TLK1: variants seen among roughly 807,000 people sequenced by gnomAD.
The protein encoded by TLK1 is serine/threonine-protein kinase tousled-like 1.
TLK1 carries 24 observed loss-of-function variants against 105.3 expected under a neutral mutation model. The observed-to-expected ratio is 0.23, with a 90% CI of 0.17 to 0.32. The LOEUF (loss-of-function observed/expected upper bound fraction) is 0.32. TLK1 is among the 10% of genes least tolerant of loss of function. The pLI, the probability that TLK1 is intolerant of heterozygous loss-of-function variation, is 1.00. For synonymous variants in TLK1, 321 were observed against 310.4 expected (o/e 1.03, Z -0.36); for missense variants, 558 against 910.5 (o/e 0.61, Z 4.98).
intron 6 of TLK1, among the ~76,000 whole-genome samples, chr2:171,056,004 A>G (rs1449133986): frequency 1.3e-5 from 2 of 152,182 alleles, no homozygotes; most frequent in Middle Eastern, 3.4e-3. Flanking sequence ...TGAAAAAACC[A>G]AAAAGTTTAA....
intron 4 of TLK1, chr2:171,059,966 A>C (rs1687673189): frequency 6.2e-7 from 1 of 1,609,804 alleles, no homozygotes; most frequent in Non-Finnish European, 8.5e-7. Context: ...AAGGACTGGA[A>C]GACCGGGAGG....
chr2:171,180,153 C>G (rs1368882608), intron 1 of TLK1, among the ~76,000 whole-genome samples: 4 of 150,600 alleles, frequency 2.7e-5, no homozygotes, highest in Non-Finnish European at 5.9e-5. Flanking sequence ...ATAATCCCAG[C>G]TACTCGGGGC....
At chr2:171,113,513 T>C (rs1437621993) in intron 2 of TLK1, among the ~76,000 whole-genome samples, 1 of 152,152 alleles carries the variant, frequency 6.6e-6, no homozygotes, top group Admixed American at 6.6e-5. Context: ...TCTCAAGTGA[T>C]CCACCAGCCT....
intron 1 of TLK1, among the ~76,000 whole-genome samples, chr2:171,191,123 G>T (rs2105313735): frequency 6.6e-6 from 1 of 151,770 alleles, no homozygotes; most frequent in South Asian, 2.1e-4. Flanking sequence ...TCACGCCACT[G>T]CACTCTAGCC....
intron 2 of TLK1, among the ~76,000 whole-genome samples, chr2:171,088,120 C>T (rs1332156173): frequency 6.6e-6 from 1 of 152,026 alleles, no homozygotes; most frequent in African/African-American, 2.4e-5. Context: ...GGCTTGAGCC[C>T]AGGAGTTTGA....
intron 12 of TLK1, among the ~76,000 whole-genome samples, chr2:171,016,291 G>A (rs532321256): frequency 4.6e-5 from 7 of 151,502 alleles, no homozygotes; most frequent in African/African-American, 1.2e-4. Context: ...ACAGGCATGC[G>A]CCACCACACC....
chr2:171,044,619 G>A (rs1045021879), intron 11 of TLK1, among the ~76,000 whole-genome samples: 4 of 151,988 alleles, frequency 2.6e-5, no homozygotes, highest in Non-Finnish European at 4.4e-5. Context: ...TACGGTAACC[G>A]AAACCCTAAG....
chr2:170,997,733 AAAG>A lies in TLK1; in HGVS notation c.1992_1994del (p.Phe665del). ...TTACCTTTCTACCATAAAGACACTG[AAAG>A]AAGATGACTCCAACCGACCATACAT... On this transcript the variant is annotated inframe_deletion, in exon 19 of 21. Transcript: ENST00000431350. 1 of 1,608,002 alleles carries A rather than the reference AAAG, an allele frequency of 6.2e-7. No homozygotes were observed. Among genetic ancestry groups the A allele is most frequent in the Non-Finnish European group, 8.5e-7 (1 of 1,176,276 alleles).
At chr2:171,086,625 C>T (rs1309377375) in intron 2 of TLK1, among the ~76,000 whole-genome samples, 3 of 78,644 alleles carry the variant, frequency 3.8e-5, no homozygotes, top group Non-Finnish European at 5.4e-5. Context: ...GACTCCGTCT[C>T]AAAAAAAACA....
chr2:171,055,700 T>G (rs1687469012), intron 6 of TLK1, among the ~76,000 whole-genome samples: 1 of 152,056 alleles, frequency 6.6e-6, no homozygotes, highest in South Asian at 2.1e-4. Context: ...TTGAATCTTA[T>G]GCCTTACTTT....
chr2:171,180,823 C>CTTTTTTTT lies in TLK1; in HGVS notation c.-6+50314_-6+50321dup, dbSNP rs57223904. 4.1e-5 allele frequency among the ~76,000 whole-genome samples: 5 copies of CTTTTTTTT among 123,142 alleles called. 1 individual carries two copies. The highest frequency in any genetic ancestry group is 5.4e-5 in the Non-Finnish European group (3 of 56,032). The allele number at this position is 123,142 out of a possible 152,430, so 80.8% of individuals were successfully genotyped here. A position where few individuals can be genotyped will look rare whatever the true frequency, so the allele number is the denominator to read the frequency against. ...GCATACAAATAATGTTAAGAGGATG[C>CTTTTTTTT]TTTTTTTTTTTTTTTTTTTTACTTT... On this transcript the variant is annotated intron_variant, in intron 1 of 20. Transcript: ENST00000521943.
At chr2:171,224,546 T>C (rs548175866) in intron 1 of TLK1, among the ~76,000 whole-genome samples, 1 of 152,338 alleles carries the variant, frequency 6.6e-6, no homozygotes, top group Non-Finnish European at 1.5e-5. Flanking sequence ...CCTTCTATTA[T>C]AGTAAACTAC....
At position 171,160,726 on chromosome 2, in the gene TLK1, C is replaced by G; in HGVS notation, c.-298G>C. On this transcript the variant is annotated 5_prime_UTR_variant, in exon 1 of 21. Coordinates refer to ENST00000431350, the MANE Select transcript of TLK1 (RefSeq NM_012290.5). The surrounding 1 kb of genome is among the most constrained non-coding windows in gnomAD (Gnocchi z 4.4). The stretch of plus-strand genomic sequence containing the variant: ...GGCGGCGGAGGCGTCGAGGGGGTGC[C>G]AGCCGGGCCGGGGTCGGAGCGCGGG... The G allele has an allele frequency of 2.2e-6, 1 of 451,850 alleles. No homozygotes were observed. The highest frequency in any genetic ancestry group is 2.1e-5 in the African/African-American group (1 of 47,046). The allele number at this position is 451,850 out of a possible 1,614,324, so 28.0% of individuals were successfully genotyped here.
intron 11 of TLK1, among the ~76,000 whole-genome samples, chr2:171,034,352 T>C (rs987386482): frequency 6.7e-6 from 1 of 150,190 alleles, no homozygotes; most frequent in Admixed American, 6.6e-5. Flanking sequence ...TAAATGTCCA[T>C]CAATGAATGA....
chr2:171,213,211 CTTTTT>C (rs540558932), intron 1 of TLK1, among the ~76,000 whole-genome samples: 1 of 146,434 alleles, frequency 6.8e-6, no homozygotes, highest in East Asian at 2.0e-4. Context: ...CTTTTCTTTT[CTTTTT>C]TTTTTTGAGA....
chr2:171,175,846 C>G (rs1692811296), intron 1 of TLK1, among the ~76,000 whole-genome samples: 1 of 152,202 alleles, frequency 6.6e-6, no homozygotes, highest in South Asian at 2.1e-4. Context: ...ACCTGAGAAA[C>G]TTTTTAAAAA....
At chr2:171,126,439 C>A (rs886860017) in intron 1 of TLK1, among the ~76,000 whole-genome samples, 5 of 152,094 alleles carry the variant, frequency 3.3e-5, no homozygotes, top group African/African-American at 9.7e-5. Flanking sequence ...TATATTAGAA[C>A]ATATTACTAG....
At chr2:171,052,318 G>T (rs1268649422) in intron 8 of TLK1, among the ~76,000 whole-genome samples, 2 of 152,064 alleles carry the variant, frequency 1.3e-5, no homozygotes, top group African/African-American at 4.8e-5. Context: ...GTATTATACA[G>T]TAAAATGGAA....
intron 7 of TLK1, 99 bp downstream of exon 7, chr2:171,054,984 T>G (rs577358070): frequency 5.9e-5 from 36 of 610,190 alleles, no homozygotes; most frequent in Admixed American, 4.8e-4. Flanking sequence ...TAATTCTGCT[T>G]TATGACTACA....
Sources: gnomAD v4.1 joint callset for allele counts (sites outside exome capture counted in the v4.1 genomes callset) on GRCh38, gnomAD v4.1.1 for gene constraint, Gnocchi (gnomAD v3.1) non-coding constraint, MANE v1.5 for transcripts, NCBI Gene and HGNC (gene_info 2026-07-23, HGNC 2026-07-21) for gene names.